Variants in TBL1XR1 observed in about 807,000 individuals in gnomAD.
TBL1XR1 encodes TBL1X/Y related 1.
TBL1XR1 carries 5 observed loss-of-function variants against 66.9 expected under a neutral mutation model. That is an observed-to-expected ratio of 0.07 (90% CI 0.04 to 0.16). TBL1XR1 has a LOEUF of 0.16. Among genes scored for constraint, TBL1XR1 ranks in the 10% least tolerant of loss-of-function variants. The pLI, the probability that TBL1XR1 is intolerant of heterozygous loss-of-function variation, is 1.00. For synonymous variants in TBL1XR1, 210 were observed against 206.0 expected, an observed-to-expected ratio of 1.02 and a Z score of -0.17; for missense variants, 238 against 623.2, an observed-to-expected ratio of 0.38 and a Z score of 6.58.
intron 1 of TBL1XR1, among the ~76,000 whole-genome samples, chr3:177,107,583 A>C (rs1166245671): frequency 6.6e-6 from 1 of 152,162 alleles, no homozygotes; most frequent in Admixed American, 6.6e-5. Context: ...TTTCAATTTA[A>C]CTTGTTCACC....
intron 14 of TBL1XR1, among the ~76,000 whole-genome samples, chr3:177,029,220 G>A (rs1713590659): frequency 6.6e-6 from 1 of 151,956 alleles, no homozygotes; most frequent in Admixed American, 6.6e-5. Flanking sequence ...AGGATCTCTT[G>A]AGCTGAGGAG....
chr3:177,020,792 T>A lies in TBL1XR1; in HGVS notation c.*4706A>T, dbSNP rs948415133. On this transcript the variant is annotated 3_prime_UTR_variant, in exon 16 of 16. Transcript: ENST00000457928. ...TATTTTATTCTGGACCTCTTTCAGA[T>A]CTGATTCAAATTACAGTTGTCAAAG... 2 of 152,166 alleles carry A rather than the reference T, an allele frequency of 1.3e-5. No individual in the cohort carries two copies. The highest frequency in any genetic ancestry group is 4.8e-5 in the African/African-American group (2 of 41,448). The allele number at this position is 152,166 out of a possible 1,614,324, so 9.4% of individuals were successfully genotyped here.
intron 1 of TBL1XR1, among the ~76,000 whole-genome samples, chr3:177,114,560 T>G (rs1178024576): frequency 1.3e-5 from 2 of 151,966 alleles, no homozygotes; most frequent in Non-Finnish European, 2.9e-5. Context: ...CTTGGCCTCC[T>G]GAAGTGCTGG....
intron 15 of TBL1XR1, chr3:177,025,984 C>G (rs959295258): frequency 1.8e-5 from 5 of 283,794 alleles, no homozygotes; most frequent in African/African-American, 1.1e-4. Flanking sequence ...ATCACACATT[C>G]CTCAACACAG....
chr3:177,191,613 CATAAG>C (rs956708973), intron 1 of TBL1XR1, among the ~76,000 whole-genome samples: 114 of 152,278 alleles, frequency 7.5e-4, no homozygotes, highest in African/African-American at 2.7e-3. Context: ...GGGAAGTGAA[CATAAG>C]ATAAGGCTCA....
chr3:177,176,347 C>T (rs1212394203), intron 1 of TBL1XR1, among the ~76,000 whole-genome samples: 1 of 150,942 alleles, frequency 6.6e-6, no homozygotes, highest in East Asian at 2.0e-4. Flanking sequence ...CAGGCTTGCG[C>T]CACCATGCCT....
chr3:177,170,564 CAAT>C (rs765868923), intron 1 of TBL1XR1, among the ~76,000 whole-genome samples: 6 of 152,146 alleles, frequency 3.9e-5, no homozygotes, highest in South Asian at 2.1e-4. Context: ...AATAGGCACT[CAAT>C]GATAGAATCG....
intron 1 of TBL1XR1, among the ~76,000 whole-genome samples, chr3:177,151,876 C>T (rs1577322438): frequency 6.6e-6 from 1 of 152,088 alleles, no homozygotes; most frequent in Admixed American, 6.6e-5. Context: ...ATACAAAAAT[C>T]AGCCGGGCGT....
At chr3:177,048,645 G>A (rs966192841) in intron 7 of TBL1XR1, among the ~76,000 whole-genome samples, 25 of 152,128 alleles carry the variant, frequency 1.6e-4, no homozygotes, top group African/African-American at 6.0e-4. Context: ...GTCCCTAAAT[G>A]TTTTAGTTCA....
intron 2 of TBL1XR1, among the ~76,000 whole-genome samples, chr3:177,096,551 G>A (rs1723517504): frequency 6.6e-6 from 1 of 152,156 alleles, no homozygotes; most frequent in Admixed American, 6.5e-5. Context: ...CTGTATCTCA[G>A]ATACCCAACT....
At chr3:177,057,542 A>G (rs1332019449) in intron 3 of TBL1XR1, among the ~76,000 whole-genome samples, 3 of 152,238 alleles carry the variant, frequency 2.0e-5, no homozygotes, top group Non-Finnish European at 4.4e-5. Context: ...CAGAAAAAGC[A>G]TATGACTTAA....
At chr3:177,104,534 A>G (rs1724636742) in intron 1 of TBL1XR1, among the ~76,000 whole-genome samples, 1 of 152,210 alleles carries the variant, frequency 6.6e-6, no homozygotes, top group Admixed American at 6.5e-5. Flanking sequence ...AGAAGGAGCT[A>G]TAACAGCAGG....
intron 1 of TBL1XR1, among the ~76,000 whole-genome samples, chr3:177,190,951 T>A (rs1012219591): frequency 6.6e-6 from 1 of 152,106 alleles, no homozygotes; most frequent in Non-Finnish European, 1.5e-5. Flanking sequence ...TTAAGTGCAA[T>A]GGAATCTCAG....
chr3:177,186,237 C>T (rs965406791), intron 1 of TBL1XR1, among the ~76,000 whole-genome samples: 14 of 152,002 alleles, frequency 9.2e-5, no homozygotes, highest in Admixed American at 4.6e-4. Flanking sequence ...CTAAAGAGGA[C>T]AGAGAACAGT....
chr3:177,152,595 T>C (rs1455148345), intron 1 of TBL1XR1, among the ~76,000 whole-genome samples: 1 of 152,192 alleles, frequency 6.6e-6, no homozygotes, highest in Non-Finnish European at 1.5e-5. Flanking sequence ...CCGGCCGCCC[T>C]ACCCTTTTTC....
At chr3:177,173,432 GA>G (rs1560261900) in intron 1 of TBL1XR1, among the ~76,000 whole-genome samples, 1 of 152,152 alleles carries the variant, frequency 6.6e-6, no homozygotes, top group African/African-American at 2.4e-5. Flanking sequence ...ACATCACCAA[GA>G]TTAAAATATA....
chr3:177,190,352 G>C (rs1735996739), intron 1 of TBL1XR1, among the ~76,000 whole-genome samples: 1 of 152,042 alleles, frequency 6.6e-6, no homozygotes, highest in Non-Finnish European at 1.5e-5. Flanking sequence ...TGATGCTCTT[G>C]TTGACCAGGC....
chr3:177,174,089 C>T (rs967326165), intron 1 of TBL1XR1, among the ~76,000 whole-genome samples: 2 of 152,092 alleles, frequency 1.3e-5, no homozygotes, highest in Non-Finnish European at 2.9e-5. Context: ...CTCAAATAAG[C>T]ATCTAATTTA....
At chr3:177,053,169 T>C (rs1289024020) in intron 4 of TBL1XR1, among the ~76,000 whole-genome samples, 1 of 152,154 alleles carries the variant, frequency 6.6e-6, no homozygotes, top group African/African-American at 2.4e-5. Context: ...ACAACCTTTT[T>C]CTGTAAAAGA....
Sources: allele counts gnomAD v4.1 joint callset (sites outside exome capture counted in the v4.1 genomes callset), GRCh38; gene constraint gnomAD v4.1.1; transcripts MANE v1.5; gene names NCBI Gene and HGNC (gene_info 2026-07-23, HGNC 2026-07-21).